The following KCNQ3 variants were observed in gnomAD, a reference collection of about 807,000 sequenced individuals.
KCNQ3 encodes the protein potassium voltage-gated channel subfamily KQT member 3.
KCNQ3 carries 30 observed loss-of-function variants against 92.5 expected under a neutral mutation model. The observed-to-expected ratio is 0.32, with a 90% CI of 0.24 to 0.44. The LOEUF is 0.44. KCNQ3 is among the 20% of genes least tolerant of loss of function. The pLI is 1.00. For synonymous variants in KCNQ3, 450 were observed against 468.8 expected (o/e 0.96, Z 0.52); for missense variants, 913 against 1,140.3 (o/e 0.80, Z 2.87).
In KCNQ3 at chr8:132,264,487, G is replaced by T. The variant is rs528097244; in HGVS notation, c.387-78306C>A. On this transcript the variant is annotated intron_variant, in intron 1 of 14. Transcript: ENST00000388996. ...AGTGTAGTGGGCAGGCATGAGATGGGCCTATTGGGAGAATCAACAGGAAGA... is the reference window on the plus strand; with the variant it reads ...AGTGTAGTGGGCAGGCATGAGATGGTCCTATTGGGAGAATCAACAGGAAGA... Among the ~76,000 whole-genome samples, 3 of 152,328 alleles carry T rather than the reference G, an allele frequency of 2.0e-5. No individual in the cohort carries two copies. The East Asian group carries it at 5.8e-4, about 29-fold the overall frequency.
chr8:132,426,198 G>A (rs902328678), intron 1 of KCNQ3, among the ~76,000 whole-genome samples: 3 of 152,178 alleles, frequency 2.0e-5, no homozygotes, highest in African/African-American at 4.8e-5. Context: ...TCAATATGGC[G>A]GGCTGCCTTG....
intron 6 of KCNQ3, among the ~76,000 whole-genome samples, chr8:132,173,855 G>A (rs929593536): frequency 3.9e-5 from 6 of 152,206 alleles, no homozygotes; most frequent in African/African-American, 9.7e-5. Flanking sequence ...CTCCGTGCAA[G>A]GCACTGGGAA....
chr8:132,438,382 C>T (rs868855100), intron 1 of KCNQ3, among the ~76,000 whole-genome samples: 1 of 152,046 alleles, frequency 6.6e-6, no homozygotes, highest in Non-Finnish European at 1.5e-5. Context: ...GTCTCTGCCC[C>T]GATCCCACCC....
chr8:132,235,278 GA>G (rs1025212583), intron 1 of KCNQ3, among the ~76,000 whole-genome samples: 1 of 151,974 alleles, frequency 6.6e-6, no homozygotes, highest in African/African-American at 2.4e-5. Context: ...GGTGGGGGGG[GA>G]ATCACCTGAG....
At chr8:132,435,103 G>C (rs1033260567) in intron 1 of KCNQ3, among the ~76,000 whole-genome samples, 1 of 152,140 alleles carries the variant, frequency 6.6e-6, no homozygotes, top group Non-Finnish European at 1.5e-5. Context: ...CACAGGCCTG[G>C]GTGGGGGACA....
chr8:132,437,707 C>T (rs1587018951), intron 1 of KCNQ3, among the ~76,000 whole-genome samples: 1 of 152,186 alleles, frequency 6.6e-6, no homozygotes, highest in African/African-American at 2.4e-5. Context: ...TTTCATACAT[C>T]TAGGTTGCTT....
chr8:132,430,654 C>T (rs1821224784), intron 1 of KCNQ3, among the ~76,000 whole-genome samples: 1 of 152,230 alleles, frequency 6.6e-6, no homozygotes, highest in South Asian at 2.1e-4. Flanking sequence ...AGTGAGGAAA[C>T]CGGTCATCAC....
intron 2 of KCNQ3, among the ~76,000 whole-genome samples, chr8:132,185,010 A>G (rs1394231802): frequency 6.6e-6 from 1 of 151,872 alleles, no homozygotes; most frequent in Non-Finnish European, 1.5e-5. Context: ...TCCTCCTGCA[A>G]CTCCCTTGAT....
intron 1 of KCNQ3, among the ~76,000 whole-genome samples, chr8:132,404,847 C>A (rs1218021551): frequency 6.6e-6 from 1 of 152,192 alleles, no homozygotes; most frequent in East Asian, 1.9e-4. Flanking sequence ...AAGCATTTAT[C>A]TTAATCTTCG....
intron 1 of KCNQ3, among the ~76,000 whole-genome samples, chr8:132,392,332 C>T (rs1221716988): frequency 2.0e-5 from 3 of 152,020 alleles, no homozygotes; most frequent in Non-Finnish European, 4.4e-5. Flanking sequence ...CTATGCTGGC[C>T]CCCGAGCCCT....
At chr8:132,189,837 AAG>A (rs199591866) in intron 1 of KCNQ3, among the ~76,000 whole-genome samples, 11 of 138,748 alleles carry the variant, frequency 7.9e-5, no homozygotes, top group African/African-American at 3.2e-4. Flanking sequence ...CAAAAAAAAA[AAG>A]TTATCCAAAA....
chr8:132,147,833 T>A (rs997913160), intron 9 of KCNQ3, among the ~76,000 whole-genome samples: 27 of 152,194 alleles, frequency 1.8e-4, no homozygotes, highest in African/African-American at 6.3e-4. Flanking sequence ...GCCAATCCCA[T>A]TTATAGGAGT....
chr8:132,356,584 A>C (rs1819024625), intron 1 of KCNQ3, among the ~76,000 whole-genome samples: 1 of 152,170 alleles, frequency 6.6e-6, no homozygotes, highest in African/African-American at 2.4e-5. Context: ...GAAGCTCTTG[A>C]GATCAGGAGG....
At chr8:132,262,634 G>GT (rs10629932) in intron 1 of KCNQ3, among the ~76,000 whole-genome samples, 17,302 of 141,786 alleles carry the variant, frequency 0.12, 1,246 homozygotes, top group African/African-American at 0.18. Flanking sequence ...TCTTACAGCA[G>GT]TTTTTTTTTT....
rs577820986 is a variant in KCNQ3 at position 132,243,589 on chromosome 8, T to G, written c.387-57408A>C. 3.9e-5 allele frequency among the ~76,000 whole-genome samples: 6 copies of G among 152,342 alleles called. No homozygotes were observed. In the East Asian group the frequency reaches 1.2e-3, roughly 29 times the overall value. ...GAAGATTATATTGGAATCCTCACCA[T>G]GTAAGACAAGAGTGCCTCATGGAAA... is the stretch of plus-strand genomic sequence containing the variant. On this transcript the variant is annotated intron_variant, in intron 1 of 14. Coordinates refer to ENST00000388996, the MANE Select transcript of KCNQ3 (RefSeq NM_004519.4).
chr8:132,134,590 G>C (rs1327943664), intron 12 of KCNQ3, among the ~76,000 whole-genome samples: 2 of 151,448 alleles, frequency 1.3e-5, no homozygotes, highest in Non-Finnish European at 2.9e-5. Context: ...GAAAGAGAGA[G>C]TGCATACTAG....
intron 1 of KCNQ3, among the ~76,000 whole-genome samples, chr8:132,240,076 T>C (rs771088822): frequency 6.6e-6 from 1 of 152,266 alleles, no homozygotes; most frequent in South Asian, 2.1e-4. Context: ...TCCAGATGGG[T>C]TGGGAAACAC....
chr8:132,140,967 A>T (rs1825276558), intron 10 of KCNQ3, 162 bp downstream of exon 10: 2 of 693,628 alleles, frequency 2.9e-6, no homozygotes, highest in Non-Finnish European at 5.2e-6. Context: ...CCCAAGGGAC[A>T]GGAGGAGTTA....
At chr8:132,179,769 A>G (rs139592611) in intron 4 of KCNQ3, among the ~76,000 whole-genome samples, 1 of 152,250 alleles carries the variant, frequency 6.6e-6, no homozygotes, top group Non-Finnish European at 1.5e-5. Context: ...GTGATCCCCA[A>G]GCCTTCTTCT....
Sources: gnomAD v4.1 joint callset for allele counts (sites outside exome capture counted in the v4.1 genomes callset) on GRCh38, gnomAD v4.1.1 for gene constraint, MANE v1.5 for transcripts, NCBI Gene and HGNC (gene_info 2026-07-23, HGNC 2026-07-21) for gene names.